The following ATL2 variants were observed in gnomAD, a reference collection of about 807,000 sequenced individuals.
The protein encoded by ATL2 is atlastin-2.
A neutral mutation model predicts 73.9 loss-of-function variants in ATL2; 31 were observed. That is an observed-to-expected ratio of 0.42 (90% CI 0.32 to 0.57). ATL2 has a LOEUF of 0.57. ATL2 is among the 20% of genes least tolerant of loss of function. The probability of loss-of-function intolerance (pLI) is 0.14; values close to 1 mark genes in which losing one functional copy is unlikely to be tolerated. For synonymous variants in ATL2, 291 were observed against 237.5 expected (o/e 1.23, Z -2.07); for missense variants, 738 against 702.6 (o/e 1.05, Z -0.57).
chr2:38,375,357 G>A lies in ATL2; in HGVS notation c.118+1786C>T, dbSNP rs111819115. On this transcript the variant is annotated intron_variant, in intron 1 of 12. Transcript: ENST00000378954. ...ATTAGCAGGTACAGGGACTGTTTTA[G>A]GCAATCATTTGCTAGGAATGGCTAT... Among the ~76,000 whole-genome samples the A allele has an allele frequency of 5.8e-3, 890 of 152,256 alleles. 8 individuals carry two copies. Among genetic ancestry groups the A allele is most frequent in the African/African-American group, 0.018 (734 of 41,542 alleles).
intron 2 of ATL2, among the ~76,000 whole-genome samples, 173 bp from the exon 3 acceptor site, chr2:38,319,192 TTTTTC>T (rs1245734648): frequency 6.6e-6 from 1 of 152,238 alleles, no homozygotes; most frequent in Non-Finnish European, 1.5e-5. Flanking sequence ...TGTGGGGTTC[TTTTTC>T]TTATAGAGAC....
intron 6 of ATL2, among the ~76,000 whole-genome samples, chr2:38,313,762 T>C (rs1227320970): frequency 1.3e-5 from 2 of 152,156 alleles, no homozygotes; most frequent in Non-Finnish European, 2.9e-5. Flanking sequence ...CTGTGTATTG[T>C]AGAACGTTGA....
chr2:38,298,826 T>A, intron 11 of ATL2, among the ~76,000 whole-genome samples: 1 of 152,202 alleles, frequency 6.6e-6, no homozygotes. Flanking sequence ...GTGCTCTGTA[T>A]CTGCCTTCAC....
At chr2:38,370,775 CA>C (rs1671643182) in intron 1 of ATL2, among the ~76,000 whole-genome samples, 2 of 150,772 alleles carry the variant, frequency 1.3e-5, no homozygotes. Flanking sequence ...CAAAACGAAA[CA>C]AAACAAAACA....
chr2:38,340,691 T>C (rs1001920535), intron 2 of ATL2, among the ~76,000 whole-genome samples: 3 of 152,176 alleles, frequency 2.0e-5, no homozygotes, highest in Non-Finnish European at 4.4e-5. Flanking sequence ...AACTACCCCA[T>C]TATTTCTCCT....
intron 12 of ATL2, chr2:38,296,833 T>A: frequency 1.5e-6 from 2 of 1,353,484 alleles, no homozygotes; most frequent in Non-Finnish European, 2.0e-6. Context: ...TTCTTCCATT[T>A]AATTGTTTTG....
Position 38,308,575 on chromosome 2 carries a change from T to C in ATL2, c.1071+804A>G, listed in dbSNP as rs541953271. On this transcript the variant is annotated intron_variant, in intron 9 of 12. Coordinates refer to ENST00000378954, the MANE Select transcript of ATL2 (RefSeq NM_001135673.4). ...GTAGTTACAGTCAATAATAACTTACTATACATTTTAAAATAACAAAGAGTA... is the reference window on the plus strand; with the variant it reads ...GTAGTTACAGTCAATAATAACTTACCATACATTTTAAAATAACAAAGAGTA... 5.3e-5 allele frequency among the ~76,000 whole-genome samples: 8 copies of C among 152,224 alleles called. No homozygotes were observed. The East Asian group carries it at 5.8e-4, about 11-fold the overall frequency.
At chr2:38,322,783 G>A (rs1306356963) in intron 2 of ATL2, among the ~76,000 whole-genome samples, 2 of 152,150 alleles carry the variant, frequency 1.3e-5, no homozygotes, top group African/African-American at 4.8e-5. Flanking sequence ...GGAGGCCAAG[G>A]CAGGAGGATC....
In ATL2 at chr2:38,295,884, C is replaced by A; in HGVS notation, c.*110G>T. 1.1e-6 allele frequency: 1 copy of A among 941,548 alleles called. No individual in the cohort carries two copies. Among genetic ancestry groups the A allele is most frequent in the Non-Finnish European group, 1.6e-6 (1 of 644,340 alleles). 58.3% of individuals were successfully genotyped at this position (941,548 alleles called of 1,614,324 possible). ...GCAGCCATCTGTGAAGCCAGTTACACTAAACTACTTCTACAGTTGATTGTA... is the reference window on the plus strand; with the variant it reads ...GCAGCCATCTGTGAAGCCAGTTACAATAAACTACTTCTACAGTTGATTGTA... On this transcript the variant is annotated 3_prime_UTR_variant, in exon 13 of 13. Transcript: ENST00000378954.
At chr2:38,376,138 T>C (rs1374440463) in intron 1 of ATL2, 2 of 1,532,070 alleles carry the variant, frequency 1.3e-6, no homozygotes, top group South Asian at 1.2e-5. Context: ...TTTTACTATT[T>C]ATAAGCCTTT....
chr2:38,297,652 C>A (rs1388546915), intron 12 of ATL2, among the ~76,000 whole-genome samples: 1 of 152,156 alleles, frequency 6.6e-6, no homozygotes. Flanking sequence ...GAAATCCCTA[C>A]GGGATTGTTC....
rs1163415037 is a variant in ATL2 at position 38,298,453 on chromosome 2, G to A, written c.1323C>T (p.Cys441=). ...CTTCAAGCTGGTCCTGATAACGACGGCAGAACTCATCTCCACCCATCTTTT... is the reference window on the plus strand; with the variant it reads ...CTTCAAGCTGGTCCTGATAACGACGACAGAACTCATCTCCACCCATCTTTT... ...SVKKMGGDEF[C]RRYQDQLEAE... Residue 441 remains cysteine, a synonymous_variant, in exon 12 of 13, where the codon TGC becomes TGT. Coordinates refer to ENST00000378954, the MANE Select transcript of ATL2 (RefSeq NM_001135673.4). 3 of 1,614,146 alleles carry A rather than the reference G, an allele frequency of 1.9e-6. No individual in the cohort carries two copies. The highest frequency in any genetic ancestry group is 3.3e-5 in the Admixed American group (2 of 60,022).
chr2:38,325,705 CACACACACACACACACACA>C (rs1668601779), intron 2 of ATL2, among the ~76,000 whole-genome samples: 1 of 74,610 alleles, frequency 1.3e-5, no homozygotes, highest in African/African-American at 1.0e-4. Flanking sequence ...CCAGTACACA[CACACACACACACACACACA>C]CACACACACA....
intron 2 of ATL2, among the ~76,000 whole-genome samples, chr2:38,321,552 A>G (rs369837198): frequency 4.8e-4 from 73 of 152,264 alleles, no homozygotes; most frequent in African/African-American, 1.5e-3. Context: ...ATTGGTCTCT[A>G]TGCAACTCCT....
intron 1 of ATL2, among the ~76,000 whole-genome samples, chr2:38,362,318 C>G (rs1243716396): frequency 1.3e-5 from 2 of 152,088 alleles, no homozygotes; most frequent in Non-Finnish European, 2.9e-5. Flanking sequence ...AGACATATCA[C>G]GGGGCAAAAA....
Position 38,315,347 on chromosome 2 carries a change from AATTT to A in ATL2, c.604-17_604-14del. Reference sequence around the variant, plus strand: ...ACAGATTATATACCTGTTGAAACAAAATTTATTTTGTTTTTTATTAGTGTTTTGT... The same window carrying A: ...ACAGATTATATACCTGTTGAAACAAAATTTTGTTTTTTATTAGTGTTTTGT... On this transcript the variant is annotated splice_polypyrimidine_tract_variant and intron_variant, in intron 4 of 12. Transcript: ENST00000378954. 1 of 1,499,120 alleles carries A rather than the reference AATTT, an allele frequency of 6.7e-7. No homozygotes were observed. The highest frequency in any genetic ancestry group is 2.7e-5 in the East Asian group (1 of 36,978). The allele number at this position is 1,499,120 out of a possible 1,614,324, so 92.9% of individuals were successfully genotyped here.
chr2:38,349,154 C>T (rs1670197361), intron 1 of ATL2, among the ~76,000 whole-genome samples: 2 of 151,854 alleles, frequency 1.3e-5, no homozygotes, highest in Admixed American at 1.3e-4. Flanking sequence ...ACCATTTGAC[C>T]CAGTCATCCC....
chr2:38,294,189 T>A lies in ATL2; in HGVS notation c.*1805A>T, dbSNP rs1193974476. On this transcript the variant is annotated 3_prime_UTR_variant, in exon 13 of 13. Coordinates refer to ENST00000378954, the MANE Select transcript of ATL2 (RefSeq NM_001135673.4). ...CTGAATGGGAGTGGGAGCGAAGATG[T>A]ATCAACCAAAGTAAATTCAGAGTTT... 1.3e-5 allele frequency among the ~76,000 whole-genome samples: 2 copies of A among 152,114 alleles called. No homozygotes were observed. Among genetic ancestry groups the A allele is most frequent in the African/African-American group, 4.8e-5 (2 of 41,446 alleles).
intron 10 of ATL2, among the ~76,000 whole-genome samples, chr2:38,299,747 T>C (rs1667087993): frequency 6.6e-6 from 1 of 152,162 alleles, no homozygotes; most frequent in Admixed American, 6.5e-5. Flanking sequence ...GCAAATACTG[T>C]TTAATCTACT....
Sources: allele counts gnomAD v4.1 joint callset (sites outside exome capture counted in the v4.1 genomes callset), GRCh38; gene constraint gnomAD v4.1.1; transcripts MANE v1.5; gene names NCBI Gene and HGNC (gene_info 2026-07-23, HGNC 2026-07-21).